IL1RAPL1: variants seen among roughly 807,000 people sequenced by gnomAD.
IL1RAPL1 encodes interleukin-1 receptor accessory protein-like 1.
In IL1RAPL1, 3 loss-of-function variants were observed where a neutral mutation model predicts 48.4. The ratio of observed to expected loss-of-function variants is 0.06; its 90% CI spans 0.03 to 0.16. The LOEUF (loss-of-function observed/expected upper bound fraction) is 0.16, where lower values mean the gene tolerates loss of function less well. Among genes scored for constraint, IL1RAPL1 ranks in the 10% least tolerant of loss-of-function variants. IL1RAPL1 has a pLI of 1.00. For missense variants in IL1RAPL1, 349 were observed against 530.6 expected, an observed-to-expected ratio of 0.66 and a Z score of 3.36; for synonymous variants, 185 against 187.7, an observed-to-expected ratio of 0.99 and a Z score of 0.12.
At chrX:29,756,653 T>A (rs747177232) in intron 6 of IL1RAPL1, among the ~76,000 whole-genome samples, 37 of 111,625 alleles carry the variant, frequency 3.3e-4, no homozygotes, top group Admixed American at 7.6e-4. Context: ...CCTCAGGTGA[T>A]CCACCCATCT....
intron 2 of IL1RAPL1, among the ~76,000 whole-genome samples, chrX:29,175,702 C>T (rs751175892): frequency 2.1e-4 from 23 of 107,541 alleles, no homozygotes; most frequent in African/African-American, 6.5e-4. Flanking sequence ...AAAAATTAGC[C>T]GAGTGTGGTG....
intron 3 of IL1RAPL1, among the ~76,000 whole-genome samples, chrX:29,390,413 A>T (rs1193212441): frequency 8.9e-6 from 1 of 112,175 alleles, no homozygotes; most frequent in Non-Finnish European, 1.9e-5. Flanking sequence ...AGACCATATA[A>T]AACACAGAGG....
chrX:29,871,086 A>G (rs112865699), intron 6 of IL1RAPL1, among the ~76,000 whole-genome samples: 154 of 112,006 alleles, frequency 1.4e-3, no homozygotes, highest in African/African-American at 4.6e-3. Flanking sequence ...GAGGCTGCCC[A>G]CATTCCTCAG....
At chrX:29,285,453 A>T (rs1453153092) in intron 3 of IL1RAPL1, among the ~76,000 whole-genome samples, 1 of 97,296 alleles carries the variant, frequency 1.0e-5, no homozygotes, top group African/African-American at 3.8e-5. Context: ...AATCACTTGA[A>T]CCCATGAGGC....
intron 2 of IL1RAPL1, among the ~76,000 whole-genome samples, chrX:28,800,985 G>T (rs1936668628): frequency 9.2e-6 from 1 of 108,843 alleles, no homozygotes; most frequent in South Asian, 4.0e-4. Context: ...GAGTTCAAAT[G>T]ATTCTCCTAC....
chrX:29,401,805 A>C (rs1385661502), intron 5 of IL1RAPL1, among the ~76,000 whole-genome samples: 1 of 111,404 alleles, frequency 9.0e-6, no homozygotes, highest in Non-Finnish European at 1.9e-5. Flanking sequence ...GAAAATGTAT[A>C]TCCTTAGCTA....
Position 28,846,130 on chromosome X carries a change from A to C in IL1RAPL1, c.82+56705A>C, listed in dbSNP as rs1202264691. On this transcript the variant is annotated intron_variant, in intron 2 of 10. Transcript: ENST00000378993. ...CAAATACTGATATTTTCCTGTCTCC[A>C]CAGTTGTGCCTTTTCCAGAATGTCA... Among the ~76,000 whole-genome samples the C allele has an allele frequency of 2.7e-5, 3 of 111,900 alleles. No individual in the cohort carries two copies. The East Asian group carries it at 8.5e-4, about 32-fold the overall frequency.
At chrX:28,714,401 G>C (rs1935478929) in intron 1 of IL1RAPL1, among the ~76,000 whole-genome samples, 1 of 111,935 alleles carries the variant, frequency 8.9e-6, no homozygotes, top group South Asian at 3.7e-4. Flanking sequence ...GCTGGAAAAA[G>C]TATAGACATA....
chrX:28,927,370 G>T (rs1362901751), intron 2 of IL1RAPL1, among the ~76,000 whole-genome samples: 1 of 111,552 alleles, frequency 9.0e-6, no homozygotes, highest in Non-Finnish European at 1.9e-5. Flanking sequence ...TTTTGTGTGT[G>T]CCTATAAATA....
At chrX:28,792,248 A>G (rs1936546636) in intron 2 of IL1RAPL1, among the ~76,000 whole-genome samples, 1 of 111,710 alleles carries the variant, frequency 9.0e-6, no homozygotes, top group Admixed American at 9.5e-5. Flanking sequence ...TAGATATTTT[A>G]ATAATTAGGA....
At chrX:29,331,366 C>T (rs1312557073) in intron 3 of IL1RAPL1, among the ~76,000 whole-genome samples, 2 of 110,194 alleles carry the variant, frequency 1.8e-5, no homozygotes, top group South Asian at 4.0e-4. Context: ...CATTCCTCCA[C>T]ATCACCCAAC....
At chrX:29,217,518 C>A (rs1930893013) in intron 2 of IL1RAPL1, among the ~76,000 whole-genome samples, 1 of 111,390 alleles carries the variant, frequency 9.0e-6, no homozygotes, top group Admixed American at 9.6e-5. Context: ...TTATTTTGTT[C>A]TTGCGAAGTT....
At chrX:28,975,595 A>G (rs1029683400) in intron 2 of IL1RAPL1, among the ~76,000 whole-genome samples, 1 of 112,435 alleles carries the variant, frequency 8.9e-6, no homozygotes, top group South Asian at 3.6e-4. Flanking sequence ...TGTTCATTCA[A>G]TCTGCACATG....
intron 3 of IL1RAPL1, among the ~76,000 whole-genome samples, chrX:29,310,115 A>G (rs1932694645): frequency 1.1e-5 from 1 of 87,545 alleles, no homozygotes; most frequent in African/African-American, 4.9e-5. Context: ...AAAAAAAAAA[A>G]AAAAAAAAAA....
At chrX:29,304,603 G>A (rs1932589030) in intron 3 of IL1RAPL1, among the ~76,000 whole-genome samples, 1 of 111,863 alleles carries the variant, frequency 8.9e-6, no homozygotes, top group African/African-American at 3.3e-5. Context: ...GATGGGTAGG[G>A]ATATAGATGA....
chrX:28,822,229 A>G (rs1277803782), intron 2 of IL1RAPL1, among the ~76,000 whole-genome samples: 1 of 111,465 alleles, frequency 9.0e-6, no homozygotes, highest in African/African-American at 3.3e-5. Flanking sequence ...TTCTCTGTGT[A>G]CACATTGATA....
chrX:29,734,290 T>C (rs1484124591), intron 6 of IL1RAPL1, among the ~76,000 whole-genome samples: 1 of 112,414 alleles, frequency 8.9e-6, no homozygotes, highest in Non-Finnish European at 1.9e-5. Context: ...GAACAAATCA[T>C]CATTTAAATA....
At chrX:29,738,371 G>A (rs1928101708) in intron 6 of IL1RAPL1, among the ~76,000 whole-genome samples, 1 of 110,529 alleles carries the variant, frequency 9.0e-6, no homozygotes, top group Admixed American at 9.6e-5. Flanking sequence ...CCCACTCTGT[G>A]GTACAAAATG....
intron 3 of IL1RAPL1, among the ~76,000 whole-genome samples, chrX:29,382,152 GGT>G (rs1207223919): frequency 9.0e-6 from 1 of 110,612 alleles, no homozygotes; most frequent in Non-Finnish European, 1.9e-5. Flanking sequence ...TGAAGGAAAT[GGT>G]GTCCAGTTAA....
Sources: gnomAD v4.1 joint callset for allele counts (sites outside exome capture counted in the v4.1 genomes callset) on GRCh38, gnomAD v4.1.1 for gene constraint, MANE v1.5 for transcripts, NCBI Gene and HGNC (gene_info 2026-07-23, HGNC 2026-07-21) for gene names.